The following OOSP3 variants were observed in gnomAD, a reference collection of about 807,000 sequenced individuals.
OOSP3 encodes the protein oocyte secreted protein family member 3.
At chr11:59,879,015 TCTTGTTTGCTCTCTACCAC>T (rs1853177961) in intron 1 of OOSP3, 134 bp downstream of exon 1, 3 of 396,350 alleles carry the variant, frequency 7.6e-6, no homozygotes, top group Non-Finnish European at 1.3e-5. Context: ...TATTGCTTTC[TCTTGTTTGCTCTCTACCAC>T]CCCGCAAAGC....
chr11:59,890,966 T>C lies in OOSP3; in HGVS notation c.253-3113T>C, dbSNP rs181536295. Among the ~76,000 whole-genome samples, 533 of 152,290 alleles carry C rather than the reference T, an allele frequency of 3.5e-3. 1 individual carries two copies. The highest frequency in any genetic ancestry group is 5.4e-3 in the Non-Finnish European group (370 of 68,020). On this transcript the variant is annotated intron_variant, in intron 2 of 4. Coordinates refer to ENST00000646438, the Ensembl canonical transcript of OOSP3. ...AGTCCATAGTTCTCAGAAGTTTTGTTTATTTCTTTTCATTCTTTTTTCTCT... is the reference window on the plus strand; with the variant it reads ...AGTCCATAGTTCTCAGAAGTTTTGTCTATTTCTTTTCATTCTTTTTTCTCT...
intron 1 of OOSP3, among the ~76,000 whole-genome samples, 196 bp from the exon 2 acceptor site, chr11:59,880,065 T>G (rs992853491): frequency 6.6e-6 from 1 of 152,314 alleles, no homozygotes; most frequent in African/African-American, 2.4e-5. Context: ...AGAGGTTGTT[T>G]CCAGACAGGC....
intron 2 of OOSP3, among the ~76,000 whole-genome samples, chr11:59,893,707 A>G (rs1455961605): frequency 6.6e-6 from 1 of 152,172 alleles, no homozygotes; most frequent in Non-Finnish European, 1.5e-5. Context: ...AGAAAAGGCA[A>G]ATCTCCAATT....
rs542949951 is a variant in OOSP3 at position 59,878,875 on chromosome 11, G to T, written c.67G>T (p.Glu23Ter). ...CACGATTTTGACTCTTTCTGAGCAAGAGTCAGGTACAAGTGACCTTTATAT... is the reference window on the plus strand; with the variant it reads ...CACGATTTTGACTCTTTCTGAGCAATAGTCAGGTACAAGTGACCTTTATAT... The change falls in exon 1 of 5, where the codon GAG becomes TAG. Residue 23 changes from glutamate (E) to a stop codon, truncating the protein, a stop_gained. Transcript: ENST00000646438. LOFTEE classifies it high-confidence loss of function. 31 of 398,518 alleles carry T rather than the reference G, an allele frequency of 7.8e-5. No individual in the cohort carries two copies. The East Asian group carries it at 1.0e-3, about 13-fold the overall frequency. The allele number at this position is 398,518 out of a possible 1,614,324, so 24.7% of individuals were successfully genotyped here. A position where few individuals can be genotyped will look rare whatever the true frequency, so the allele number is the denominator to read the frequency against.
chr11:59,889,413 C>CAGCTTTTTGATGTT (rs1853290437), intron 2 of OOSP3, among the ~76,000 whole-genome samples: 1 of 152,048 alleles, frequency 6.6e-6, no homozygotes, highest in African/African-American at 2.4e-5. Context: ...GAAATCTTTT[C>CAGCTTTTTGATGTT]AGCTTTTTGA....
chr11:59,894,061 G>C lies in OOSP3; in HGVS notation c.253-18G>C. 2.5e-6 allele frequency: 1 copy of C among 398,400 alleles called. No individual in the cohort carries two copies. Among genetic ancestry groups the C allele is most frequent in the Non-Finnish European group, 4.4e-6 (1 of 225,982 alleles). The allele number at this position is 398,400 out of a possible 1,614,324, so 24.7% of individuals were successfully genotyped here. ...GTGTGACATGACATCAACTTATAAA[G>C]TCTTTTTGTCCCATTAGGTTTTCTC... On this transcript the variant is annotated intron_variant, in intron 2 of 4. Transcript: ENST00000646438.
chr11:59,894,886 C>T (rs1194500618), intron 3 of OOSP3, among the ~76,000 whole-genome samples: 1 of 152,154 alleles, frequency 6.6e-6, no homozygotes, highest in African/African-American at 2.4e-5. Context: ...AGCCAAATTA[C>T]TCAGTTTTCA....
At chr11:59,891,146 A>G (rs191888362) in intron 2 of OOSP3, among the ~76,000 whole-genome samples, 1 of 152,130 alleles carries the variant, frequency 6.6e-6, no homozygotes, top group East Asian at 1.9e-4. Context: ...TTTCTCTCTA[A>G]ACTGGTTATT....
At chr11:59,880,587 T>C in intron 2 of OOSP3, 148 bp downstream of exon 2, 1 of 395,388 alleles carries the variant, frequency 2.5e-6, no homozygotes, top group Admixed American at 4.4e-5. Context: ...AGTGGGTACC[T>C]TGACTTGGCC....
intron 2 of OOSP3, among the ~76,000 whole-genome samples, chr11:59,890,016 C>T (rs981201180): frequency 1.4e-4 from 22 of 152,214 alleles, no homozygotes; most frequent in African/African-American, 5.1e-4. Flanking sequence ...TTGAATTGAA[C>T]CCTTTACCAT....
chr11:59,884,827 A>G (rs1298914294), intron 2 of OOSP3, among the ~76,000 whole-genome samples: 2 of 152,116 alleles, frequency 1.3e-5, no homozygotes, highest in Non-Finnish European at 2.9e-5. Context: ...AAATAGAGAT[A>G]GTTTTAATTT....
At chr11:59,887,135 T>G (rs76870012) in intron 2 of OOSP3, among the ~76,000 whole-genome samples, 4 of 151,872 alleles carry the variant, frequency 2.6e-5, no homozygotes, top group African/African-American at 9.7e-5. Flanking sequence ...TTTTTTTTTT[T>G]GTAAACTTGC....
chr11:59,891,959 T>TC (rs1853316273), intron 2 of OOSP3, among the ~76,000 whole-genome samples: 1 of 152,176 alleles, frequency 6.6e-6, no homozygotes, highest in African/African-American at 2.4e-5. Flanking sequence ...GGGAGTGTGA[T>TC]CCGCTGAGCA....
At position 59,884,471 on chromosome 11, in the gene OOSP3, G is replaced by GTCTCTCTC. The variant is rs1853232583; in HGVS notation, c.252+4035_252+4036insCTCTCTCT. Reference sequence around the variant, plus strand: ...TGTTTGTCTGTCTGTCTGTCTGTCTGTCTGTCTCTCTCTCTCTCTCTCTCT... The same window carrying GTCTCTCTC: ...TGTTTGTCTGTCTGTCTGTCTGTCTGTCTCTCTCTCTGTCTCTCTCTCTCTCTCTCTCT... On this transcript the variant is annotated intron_variant, in intron 2 of 4. Coordinates refer to ENST00000646438, the Ensembl canonical transcript of OOSP3. 3.0e-5 allele frequency among the ~76,000 whole-genome samples: 3 copies of GTCTCTCTC among 100,100 alleles called. No individual in the cohort carries two copies. In the Admixed American group the frequency reaches 3.4e-4, roughly 11 times the overall value. 65.7% of individuals were successfully genotyped at this position (100,100 alleles called of 152,430 possible). A position where few individuals can be genotyped will look rare whatever the true frequency, so the allele number is the denominator to read the frequency against.
intron 2 of OOSP3, among the ~76,000 whole-genome samples, chr11:59,889,539 T>C (rs1853291360): frequency 6.6e-6 from 1 of 152,212 alleles, no homozygotes; most frequent in African/African-American, 2.4e-5. Context: ...ATTTCTGCCT[T>C]AATTTCATTA....
chr11:59,882,081 T>C (rs1853207007), intron 2 of OOSP3, among the ~76,000 whole-genome samples: 1 of 152,184 alleles, frequency 6.6e-6, no homozygotes, highest in Non-Finnish European at 1.5e-5. Context: ...TTTCAAAGTA[T>C]GACTTATTAT....
intron 2 of OOSP3, among the ~76,000 whole-genome samples, chr11:59,882,942 A>T (rs1043855703): frequency 2.0e-5 from 3 of 152,196 alleles, no homozygotes; most frequent in Non-Finnish European, 4.4e-5. Flanking sequence ...TCTATATCAT[A>T]GCATGTCTCA....
At chr11:59,884,202 G>A (rs1387459408) in intron 2 of OOSP3, among the ~76,000 whole-genome samples, 18 of 152,214 alleles carry the variant, frequency 1.2e-4, no homozygotes, top group Non-Finnish European at 1.6e-4. Flanking sequence ...TGTTCCGGAA[G>A]TGAAAAGGAG....
intron 2 of OOSP3, among the ~76,000 whole-genome samples, chr11:59,881,844 C>A (rs1161762171): frequency 2.0e-5 from 3 of 152,130 alleles, no homozygotes; most frequent in Non-Finnish European, 4.4e-5. Context: ...GCACTCCAGT[C>A]TGGGCAACAG....
Sources: allele counts gnomAD v4.1 joint callset (sites outside exome capture counted in the v4.1 genomes callset), GRCh38; gene constraint gnomAD v4.1.1; transcripts MANE v1.5; gene names NCBI Gene and HGNC (gene_info 2026-07-23, HGNC 2026-07-21).